Variants in FLNC observed in about 807,000 individuals in gnomAD.
FLNC encodes the protein filamin C.
Under a neutral mutation model 254.3 loss-of-function variants are expected in FLNC, and 91 were observed. That is an observed-to-expected ratio of 0.36 (90% CI 0.30 to 0.43). The LOEUF is 0.43. Ranked by LOEUF, FLNC falls within the 20% of genes least tolerant of loss-of-function variation. FLNC has a pLI of 1.00. For synonymous variants in FLNC, 1,430 were observed against 1,577.2 expected, an observed-to-expected ratio of 0.91 and a Z score of 2.21; for missense variants, 2,853 against 3,802.6, an observed-to-expected ratio of 0.75 and a Z score of 6.57.
rs367952484 is a variant in FLNC, at chr7:128,855,327, G to C, written c.7251+13G>C. On this transcript the variant is annotated intron_variant, in intron 43 of 47. Coordinates refer to ENST00000325888, the MANE Select transcript of FLNC (RefSeq NM_001458.5). ...CACCAGCCTCCAGGTTTGTGCCCAG[G>C]GTGGGGGTGGAGGGTTTCTGCTATC... The C allele has an allele frequency of 1.3e-6, 2 of 1,550,066 alleles. No individual in the cohort carries two copies. The highest frequency in any genetic ancestry group is 1.8e-6 in the Non-Finnish European group (2 of 1,123,186).
chr7:128,856,661 C>T lies in FLNC; in HGVS notation c.7384+11C>T, dbSNP rs1431727150. On this transcript the variant is annotated intron_variant, in intron 44 of 47. Coordinates refer to ENST00000325888, the MANE Select transcript of FLNC (RefSeq NM_001458.5). The surrounding 1 kb of genome is among the most constrained non-coding windows in gnomAD (Gnocchi z 5.9). ...CTGAGCTGGACAGTGGTGAGCTGGC[C>T]CTGCCCCTGCCAACTCCCTTCCGGG... 6 of 1,613,362 alleles carry T rather than the reference C, an allele frequency of 3.7e-6. No individual in the cohort carries two copies. The highest frequency in any genetic ancestry group is 5.1e-6 in the Non-Finnish European group (6 of 1,179,996).
rs781718076 is a variant in FLNC at position 128,838,321 on chromosome 7, G to A, written c.1102G>A (p.Val368Met). Reference sequence around the variant, plus strand: ...TGAACGCAGTCCCTTTGAGGTGAACGTGGGCATGGCCCTGGGAGATGCCAA... The same window carrying A: ...TGAACGCAGTCCCTTTGAGGTGAACATGGGCATGGCCCTGGGAGATGCCAA... Reference protein sequence around the residue: ...NIERSPFEVNVGMALGDANKV... With the variant: ...NIERSPFEVNMGMALGDANKV... The change falls in exon 7 of 48, where the codon GTG (valine) becomes ATG (methionine). Residue 368 changes from valine (V) to methionine (M), a missense_variant. Val to Met is a conservative substitution (Grantham distance 21). Around this residue, in one of 10 missense-constraint regions of FLNC, gnomAD observed 1,573 missense variants for 1,883.5 expected, o/e 0.84. Transcript: ENST00000325888. 3.6e-5 allele frequency: 58 copies of A among 1,613,970 alleles called. No homozygotes were observed. Among genetic ancestry groups the A allele is most frequent in the African/African-American group, 2.0e-4 (15 of 74,938 alleles).
Position 128,854,655 on chromosome 7 carries a change from C to T in FLNC, c.6970C>T (p.Leu2324=). 6.2e-7 allele frequency: 1 copy of T among 1,612,644 alleles called. No individual in the cohort carries two copies. Among genetic ancestry groups the T allele is most frequent in the Non-Finnish European group, 8.5e-7 (1 of 1,179,476 alleles). The change falls in exon 41 of 48, where the codon CTG becomes TTG. Residue 2324 remains leucine, a synonymous_variant. Coordinates refer to ENST00000325888, the MANE Select transcript of FLNC (RefSeq NM_001458.5). ...CAAGGTGCGGGCCGGAGGCACAGGG[C>T]TGGAGCGAGGTGTGGCCGGCGTGCC... ...AHKVRAGGTG[L]ERGVAGVPAE...
Position 128,837,975 on chromosome 7 carries a change from C to G in FLNC, c.970-12C>G, listed in dbSNP as rs1185297926. The G allele has an allele frequency of 1.9e-6, 3 of 1,612,480 alleles. No homozygotes were observed. The African/African-American group carries it at 4.0e-5, about 22-fold the overall frequency. On this transcript the variant is annotated splice_polypyrimidine_tract_variant and intron_variant, in intron 5 of 47. Coordinates refer to ENST00000325888, the MANE Select transcript of FLNC (RefSeq NM_001458.5). ...CATTGGAGAGGCTTCCAATCTTTTT[C>G]CTTCCTAATAGGCTAAGGTGGTTCC...
In FLNC at chr7:128,836,246, T is replaced by C. The variant is rs1044471488; in HGVS notation, c.601+672T>C. On this transcript the variant is annotated intron_variant, in intron 2 of 47. Coordinates refer to ENST00000325888, the MANE Select transcript of FLNC (RefSeq NM_001458.5). The surrounding 1 kb of genome is among the most constrained non-coding windows in gnomAD (Gnocchi z 6.0). ...GACAGCTCCCTTTCTGCCCCTCATC[T>C]CCTGAAAAGATAGGTTTTCTCCAGG... is the stretch of plus-strand genomic sequence containing the variant. Among the ~76,000 whole-genome samples, 1 of 152,164 alleles carries C rather than the reference T, an allele frequency of 6.6e-6. No homozygotes were observed. The highest frequency in any genetic ancestry group is 2.4e-5 in the African/African-American group (1 of 41,422).
chr7:128,834,311 G>A (rs1184042133), intron 1 of FLNC, among the ~76,000 whole-genome samples: 2 of 125,496 alleles, frequency 1.6e-5, no homozygotes, highest in African/African-American at 6.4e-5. Flanking sequence ...GGATCTAGGC[G>A]CCCCCCCCCC....
rs1174673304 is a variant in FLNC, at chr7:128,838,448, G to C, written c.1210+19G>C. 23 of 1,613,168 alleles carry C rather than the reference G, an allele frequency of 1.4e-5. No individual in the cohort carries two copies. The highest frequency in any genetic ancestry group is 3.3e-5 in the Admixed American group (2 of 60,002). On this transcript the variant is annotated intron_variant, in intron 7 of 47. Coordinates refer to ENST00000325888, the MANE Select transcript of FLNC (RefSeq NM_001458.5). ...ACTGCGGGTAGGACGGGCCCCAGGG[G>C]GTGCAGGTGGAAAGCCCCTGACCAT...
Position 128,849,431 on chromosome 7 carries a change from G to A in FLNC, c.5052G>A (p.Thr1684=), listed in dbSNP as rs368028177. 6.2e-6 allele frequency: 10 copies of A among 1,614,122 alleles called. No individual in the cohort carries two copies. Among genetic ancestry groups the A allele is most frequent in the South Asian group, 2.2e-5 (2 of 91,090 alleles). Residue 1684 remains threonine (T), a synonymous_variant, in exon 30 of 48, where the codon ACG becomes ACA. Coordinates refer to ENST00000325888, the MANE Select transcript of FLNC (RefSeq NM_001458.5). ...GGAAGGTGACATGCACGGTGTCCAC[G>A]CCGGATGGGGCAGAGCTCGATGTGG... The part of the protein sequence containing the change: ...GEGKVTCTVS[T]PDGAELDVDV...
In FLNC at chr7:128,841,514, T is replaced by C. The variant is rs200943714; in HGVS notation, c.2068T>C (p.Phe690Leu). The change falls in exon 13 of 48, where the codon TTC becomes CTC. Residue 690 changes from phenylalanine (F) to leucine (L), a missense_variant. By Grantham distance (22) the Phe-to-Leu change is conservative. This residue lies in a region of FLNC where 1,573 missense variants were observed against 1,883.5 expected (regional missense o/e 0.84). Transcript: ENST00000325888. This position sits in a 1 kb window ranked among gnomAD's most constrained non-coding sequence, Gnocchi z 4.3. ...TGCIVDKPAE[F>L]TIDARAAGKG... The stretch of plus-strand genomic sequence containing the variant: ...CTGCATCGTGGACAAGCCCGCTGAG[T>C]TCACCATTGATGCTCGTGCAGCTGG... 2.7e-4 allele frequency: 439 copies of C among 1,614,032 alleles called. No individual in the cohort carries two copies. The highest frequency in any genetic ancestry group is 3.5e-4 in the Non-Finnish European group (418 of 1,180,022).
intron 1 of FLNC, among the ~76,000 whole-genome samples, chr7:128,832,202 C>T (rs1807919852): frequency 6.6e-6 from 1 of 152,196 alleles, no homozygotes; most frequent in South Asian, 2.1e-4. Context: ...CCCTTACCCC[C>T]TCCTGCCCCA....
chr7:128,836,844 G>T lies in FLNC; in HGVS notation c.602-316G>T, dbSNP rs1808110781. On this transcript the variant is annotated intron_variant, in intron 2 of 47. Coordinates refer to ENST00000325888, the MANE Select transcript of FLNC (RefSeq NM_001458.5). The surrounding 1 kb of genome is among the most constrained non-coding windows in gnomAD (Gnocchi z 6.0). ...ATGAGGCAAGAGATAGCGAGAGGGGGTACCCTCCCAGGGTTTGGGGTTCAA... is the reference window on the plus strand; with the variant it reads ...ATGAGGCAAGAGATAGCGAGAGGGGTTACCCTCCCAGGGTTTGGGGTTCAA... 6.6e-6 allele frequency among the ~76,000 whole-genome samples: 1 copy of T among 152,182 alleles called. No homozygotes were observed. The highest frequency in any genetic ancestry group is 1.5e-5 in the Non-Finnish European group (1 of 68,028).
Position 128,841,422 on chromosome 7 carries a change from C to T in FLNC, c.2008-32C>T, listed in dbSNP as rs200350887. The T allele has an allele frequency of 6.4e-5, 103 of 1,612,590 alleles. No homozygotes were observed. The African/African-American group carries it at 1.2e-3, about 19-fold the overall frequency. On this transcript the variant is annotated intron_variant, in intron 12 of 47. Transcript: ENST00000325888. The surrounding 1 kb of genome is among the most constrained non-coding windows in gnomAD (Gnocchi z 4.3). ...GGTGGGGCAAGCTGGTTCTCCTCCC[C>T]TCCCCAACTCAGCCTTCTTCCCTCC...
Position 128,837,729 on chromosome 7 carries a change from G to A in FLNC, c.943G>A (p.Glu315Lys), listed in dbSNP as rs756104407. ...CGTGGGCGAGGTGCTGGTCTACATC[G>A]AGGACCCTGAAGGCCACACCGAGGA... is the stretch of plus-strand genomic sequence containing the variant. ...AGVGEVLVYI[E>K]DPEGHTEEAK... Residue 315 changes from glutamate to lysine, a missense_variant, in exon 5 of 48, where the codon GAG (glutamate) becomes AAG (lysine). Coordinates refer to ENST00000325888, the MANE Select transcript of FLNC (RefSeq NM_001458.5). 6.3e-6 allele frequency: 10 copies of A among 1,593,126 alleles called. No homozygotes were observed. Among genetic ancestry groups the A allele is most frequent in the Admixed American group, 3.5e-5 (2 of 56,632 alleles).
intron 9 of FLNC, 67 bp from the exon 10 acceptor site, chr7:128,840,481 G>T: frequency 1.2e-6 from 2 of 1,607,758 alleles, no homozygotes; most frequent in Non-Finnish European, 1.7e-6. Flanking sequence ...TCCTTGAGGG[G>T]ATTGAGGAGC....
chr7:128,830,598 C>T lies in FLNC; in HGVS notation c.-40C>T, dbSNP rs758725085. 1.3e-6 allele frequency: 2 copies of T among 1,586,014 alleles called. No individual in the cohort carries two copies. The highest frequency in any genetic ancestry group is 2.7e-5 in the African/African-American group (2 of 74,306). On this transcript the variant is annotated 5_prime_UTR_variant, in exon 1 of 48. Coordinates refer to ENST00000325888, the MANE Select transcript of FLNC (RefSeq NM_001458.5). ...CCCGACAGCCCCCGATAGCCCAAAC[C>T]GCGGCCCTAGCCCCGGCCGCACCCC...
In FLNC at chr7:128,837,660, G is replaced by T. The variant is rs1275499234; in HGVS notation, c.874G>T (p.Val292Leu). 2.4e-5 allele frequency: 39 copies of T among 1,612,490 alleles called. No individual in the cohort carries two copies. Among genetic ancestry groups the T allele is most frequent in the Admixed American group, 3.3e-5 (2 of 60,022 alleles). Residue 292 changes from valine (V) to leucine (L), a missense_variant, in exon 5 of 48, where the codon GTG becomes TTG. By Grantham distance (32) the Val-to-Leu change is conservative. This residue lies in a region of FLNC where 1,573 missense variants were observed against 1,883.5 expected (regional missense o/e 0.84). Coordinates refer to ENST00000325888, the MANE Select transcript of FLNC (RefSeq NM_001458.5). The part of the protein sequence containing the change: ...GPGIEPQGNT[V>L]LQPAHFTVQT... ...AGGCATCGAGCCACAGGGCAACACCGTGCTGCAGCCTGCCCACTTCACCGT... is the reference window on the plus strand; with the variant it reads ...AGGCATCGAGCCACAGGGCAACACCTTGCTGCAGCCTGCCCACTTCACCGT...
rs1563004187 is a variant in FLNC, at chr7:128,855,194, C to T, written c.7136-5C>T. 2.5e-6 allele frequency: 4 copies of T among 1,598,534 alleles called. No individual in the cohort carries two copies. The highest frequency in any genetic ancestry group is 3.4e-6 in the Non-Finnish European group (4 of 1,166,024). ...GAACCTGTGCTGACTGGTCTCTCTC[C>T]CCAGGTGACTATGAGGTCTCCATCA... On this transcript the variant is annotated splice_region_variant and splice_polypyrimidine_tract_variant and intron_variant, in intron 42 of 47. Transcript: ENST00000325888.
rs1554398369 is a variant in FLNC at position 128,841,290 on chromosome 7, A to C, written c.1934A>C (p.Asp645Ala). 3.1e-6 allele frequency: 5 copies of C among 1,613,768 alleles called. No individual in the cohort carries two copies. Among genetic ancestry groups the C allele is most frequent in the Middle Eastern group, 3.3e-4 (2 of 6,062 alleles). The change falls in exon 12 of 48, where the codon GAC (aspartate) becomes GCC (alanine). Residue 645 changes from aspartate to alanine, a missense_variant. Transcript: ENST00000325888. This position sits in a 1 kb window ranked among gnomAD's most constrained non-coding sequence, Gnocchi z 4.3. ...GAGTACGCTGTGCACGTCATCTGTG[A>C]CGATGAGGACATCCGAGACTCACCC... is the stretch of plus-strand genomic sequence containing the variant. Reference protein sequence around the residue: ...PGEYAVHVICDDEDIRDSPFI... With the variant: ...PGEYAVHVICADEDIRDSPFI...
rs563923985 is a variant in FLNC, at chr7:128,850,140, C to T, written c.5298+66C>T. 88 of 1,323,104 alleles carry T rather than the reference C, an allele frequency of 6.7e-5. No individual in the cohort carries two copies. In the African/African-American group the frequency reaches 1.2e-3, roughly 18 times the overall value. 82.0% of individuals were successfully genotyped at this position (1,323,104 alleles called of 1,614,324 possible). On this transcript the variant is annotated intron_variant, in intron 31 of 47. Transcript: ENST00000325888. ...CCTTCCTTCATTTCTTCTCTCTACT[C>T]CTCTGCAGCCAGGGCGGGGACATGG...
Sources: allele counts gnomAD v4.1 joint callset (sites outside exome capture counted in the v4.1 genomes callset), GRCh38; gene constraint gnomAD v4.1.1; regional missense constraint gnomAD v4.1.1; non-coding constraint Gnocchi (gnomAD v3.1); transcripts MANE v1.5; gene names NCBI Gene and HGNC (gene_info 2026-07-23, HGNC 2026-07-21).